NTNG1: variants seen among roughly 807,000 people sequenced by gnomAD.
NTNG1 encodes netrin-G1.
A neutral mutation model predicts 54.0 loss-of-function variants in NTNG1; 16 were observed. The observed-to-expected ratio is 0.30, with a 90% CI of 0.20 to 0.45. The LOEUF (loss-of-function observed/expected upper bound fraction) is 0.45, where lower values mean the gene tolerates loss of function less well. Among genes scored for constraint, NTNG1 ranks in the 20% least tolerant of loss-of-function variants. NTNG1 has a pLI of 1.00. For synonymous variants in NTNG1, 255 were observed against 263.1 expected (o/e 0.97, Z 0.30); for missense variants, 530 against 678.7 (o/e 0.78, Z 2.43).
intron 3 of NTNG1, among the ~76,000 whole-genome samples, chr1:107,336,936 C>T (rs564147402): frequency 9.2e-5 from 14 of 151,894 alleles, no homozygotes; most frequent in Admixed American, 6.6e-4. Flanking sequence ...ACTTCACACC[C>T]GTCAGAATGA....
At chr1:107,175,835 G>T (rs1192243388) in intron 2 of NTNG1, among the ~76,000 whole-genome samples, 2 of 151,782 alleles carry the variant, frequency 1.3e-5, no homozygotes, top group Non-Finnish European at 2.9e-5. Flanking sequence ...TGCATGGTGA[G>T]AACAACTAAG....
At chr1:107,316,188 C>A (rs1045008626) in intron 2 of NTNG1, among the ~76,000 whole-genome samples, 1 of 152,162 alleles carries the variant, frequency 6.6e-6, no homozygotes, top group Admixed American at 6.5e-5. Flanking sequence ...ACACCAGATG[C>A]TGTTATCATG....
At chr1:107,385,987 C>A (rs1392034030) in intron 3 of NTNG1, among the ~76,000 whole-genome samples, 3 of 150,880 alleles carry the variant, frequency 2.0e-5, no homozygotes, top group African/African-American at 7.3e-5. Context: ...TGCCCCTCTC[C>A]CCATCTCCTG....
chr1:107,211,979 T>G (rs756661665), intron 2 of NTNG1, among the ~76,000 whole-genome samples: 2 of 152,212 alleles, frequency 1.3e-5, no homozygotes, highest in Non-Finnish European at 2.9e-5. Flanking sequence ...TGTCAAACTC[T>G]GATCAATGGC....
intron 7 of NTNG1, among the ~76,000 whole-genome samples, chr1:107,456,156 G>A (rs527723040): frequency 6.6e-6 from 1 of 152,256 alleles, no homozygotes; most frequent in Admixed American, 6.5e-5. Flanking sequence ...CCGTGAAGGA[G>A]CAGTGAAAAG....
In NTNG1 at chr1:107,395,202, A is replaced by G. The variant is rs762914287; in HGVS notation, c.936A>G (p.Lys312=). Residue 312 remains lysine, a synonymous_variant, in exon 4 of 8, where the codon AAA becomes AAG. Coordinates refer to ENST00000370068, the MANE Select transcript of NTNG1 (RefSeq NM_001113226.3). The part of the protein sequence containing the change: ...HATVCVYDNS[K]LTCECEHNTT... The stretch of plus-strand genomic sequence containing the variant: ...CTGTATGTGTGTATGACAACAGCAA[A>G]TTGACATGCGAATGTGAGCACAACA... 1.9e-6 allele frequency: 3 copies of G among 1,613,472 alleles called. No individual in the cohort carries two copies. Among genetic ancestry groups the G allele is most frequent in the Non-Finnish European group, 2.5e-6 (3 of 1,179,526 alleles).
At chr1:107,193,878 A>C (rs1051025072) in intron 2 of NTNG1, among the ~76,000 whole-genome samples, 1 of 151,762 alleles carries the variant, frequency 6.6e-6, no homozygotes, top group Non-Finnish European at 1.5e-5. Context: ...AGTAAAAAAG[A>C]AAAGACCTAT....
intron 2 of NTNG1, among the ~76,000 whole-genome samples, chr1:107,267,306 G>A (rs902366695): frequency 1.3e-5 from 2 of 152,174 alleles, no homozygotes; most frequent in African/African-American, 4.8e-5. Flanking sequence ...TCAAGGAAGA[G>A]AGAGTTTAGT....
intron 2 of NTNG1, among the ~76,000 whole-genome samples, chr1:107,248,558 A>G (rs1384676753): frequency 6.6e-6 from 1 of 152,182 alleles, no homozygotes; most frequent in African/African-American, 2.4e-5. Flanking sequence ...CTGTGATTTA[A>G]GACAAGCATT....
chr1:107,161,801 T>G (rs997658913), intron 2 of NTNG1, among the ~76,000 whole-genome samples: 7 of 152,116 alleles, frequency 4.6e-5, no homozygotes, highest in African/African-American at 1.7e-4. Flanking sequence ...TTTGTCCCTA[T>G]TTCCCTAAGA....
intron 3 of NTNG1, among the ~76,000 whole-genome samples, chr1:107,352,768 A>T (rs1669700268): frequency 6.6e-6 from 1 of 152,216 alleles, no homozygotes; most frequent in African/African-American, 2.4e-5. Context: ...TCTTTGTAAT[A>T]TGCCTGTTCC....
chr1:107,264,570 A>G (rs560826905), intron 2 of NTNG1, among the ~76,000 whole-genome samples: 2 of 152,268 alleles, frequency 1.3e-5, no homozygotes, highest in Admixed American at 6.5e-5. Flanking sequence ...ACTGCCCTCT[A>G]TTCTCTGAGG....
At chr1:107,215,211 A>G (rs554953072) in intron 2 of NTNG1, among the ~76,000 whole-genome samples, 65 of 152,308 alleles carry the variant, frequency 4.3e-4, no homozygotes, top group Non-Finnish European at 7.5e-4. Flanking sequence ...GCCTGAGCCA[A>G]TGTCGAGAAG....
intron 5 of NTNG1, among the ~76,000 whole-genome samples, chr1:107,424,872 A>C (rs890438445): frequency 2.6e-5 from 4 of 152,118 alleles, no homozygotes; most frequent in Non-Finnish European, 5.9e-5. Context: ...CATATAGACC[A>C]TGGGGTTGGG....
chr1:107,171,892 TC>T (rs1033764458), intron 2 of NTNG1, among the ~76,000 whole-genome samples: 4 of 57,552 alleles, frequency 7.0e-5, no homozygotes, highest in Non-Finnish European at 2.0e-4. Flanking sequence ...CTGGATTTTT[TC>T]CCCTTTTTTT....
intron 2 of NTNG1, among the ~76,000 whole-genome samples, chr1:107,170,994 A>T (rs1263789644): frequency 6.6e-6 from 1 of 152,146 alleles, no homozygotes; most frequent in Non-Finnish European, 1.5e-5. Context: ...CATTTTAATA[A>T]GACAAAATTT....
At chr1:107,186,988 A>C (rs1657506334) in intron 2 of NTNG1, among the ~76,000 whole-genome samples, 1 of 152,168 alleles carries the variant, frequency 6.6e-6, no homozygotes, top group South Asian at 2.1e-4. Flanking sequence ...ACTGTTGCAC[A>C]CTTATGCAGT....
At chr1:107,316,178 A>AC (rs1472900323) in intron 2 of NTNG1, among the ~76,000 whole-genome samples, 3 of 152,308 alleles carry the variant, frequency 2.0e-5, no homozygotes, top group African/African-American at 7.2e-5. Flanking sequence ...ATTCCAATGC[A>AC]CACCAGATGC....
At chr1:107,164,580 T>G (rs974127592) in intron 2 of NTNG1, among the ~76,000 whole-genome samples, 1 of 152,186 alleles carries the variant, frequency 6.6e-6, no homozygotes, top group East Asian at 1.9e-4. Flanking sequence ...CACCAGTAAC[T>G]ACTACTGTGA....
Sources: gnomAD v4.1 joint callset for allele counts (sites outside exome capture counted in the v4.1 genomes callset) on GRCh38, gnomAD v4.1.1 for gene constraint, MANE v1.5 for transcripts, NCBI Gene and HGNC (gene_info 2026-07-23, HGNC 2026-07-21) for gene names.